RARB: variants seen among roughly 807,000 people sequenced by gnomAD.
The protein encoded by RARB is retinoic acid receptor beta, also known as HBV-activated protein.
A neutral mutation model predicts 51.9 loss-of-function variants in RARB; 17 were observed. That is an observed-to-expected ratio of 0.33 (90% CI 0.22 to 0.49). RARB has a LOEUF of 0.49. Among genes scored for constraint, RARB ranks in the 20% least tolerant of loss-of-function variants. The pLI is 0.99. For missense variants in RARB, 369 were observed against 550.8 expected, an observed-to-expected ratio of 0.67 and a Z score of 3.30; for synonymous variants, 215 against 195.4, an observed-to-expected ratio of 1.10 and a Z score of -0.84.
At chr3:25,108,088 T>C (rs1699539985) in intron 3 of RARB, among the ~76,000 whole-genome samples, 1 of 152,172 alleles carries the variant, frequency 6.6e-6, no homozygotes, top group African/African-American at 2.4e-5. Context: ...GTGGGTAGCA[T>C]CTACAGCATG....
chr3:25,146,511 GT>G lies in RARB; in HGVS notation c.-280+14316del, dbSNP rs1197635626. 7.1e-4 allele frequency among the ~76,000 whole-genome samples: 96 copies of G among 134,544 alleles called. 1 individual carries two copies. The highest frequency in any genetic ancestry group is 2.0e-3 in the African/African-American group (75 of 36,854). 88.3% of individuals were successfully genotyped at this position (134,544 alleles called of 152,430 possible). On this transcript the variant is annotated intron_variant, in intron 4 of 11. Coordinates refer to the RARB transcript ENST00000383772. ...TGCTAAGTTTTTTGTTTGTTTGTTT[GT>G]TTTTTTTTTTTTGAGACAAGAGTCT... is the stretch of plus-strand genomic sequence containing the variant.
At chr3:24,926,691 A>G (rs555774230) in intron 2 of RARB, among the ~76,000 whole-genome samples, 93 of 152,198 alleles carry the variant, frequency 6.1e-4, no homozygotes, top group Non-Finnish European at 1.1e-3. Flanking sequence ...TTTTTGGTAC[A>G]TCATGATGGA....
At chr3:25,501,777 TC>T (rs765067095) in intron 3 of RARB, among the ~76,000 whole-genome samples, 1 of 152,186 alleles carries the variant, frequency 6.6e-6, no homozygotes, top group Non-Finnish European at 1.5e-5. Context: ...AAGAAACATT[TC>T]AAAATCTGGG....
At position 25,503,925 on chromosome 3, in the gene RARB, G is replaced by A. The variant is rs527524347; in HGVS notation, c.448+2602G>A. Among the ~76,000 whole-genome samples, 34 of 152,252 alleles carry A rather than the reference G, an allele frequency of 2.2e-4. 1 individual carries two copies. In the South Asian group the frequency reaches 6.8e-3, roughly 31 times the overall value. On this transcript the variant is annotated intron_variant, in intron 3 of 7. Coordinates refer to ENST00000330688, the MANE Select transcript of RARB (RefSeq NM_000965.5). ...ACACTAGGACTCAGAAAGATGACACGGTTCTCCCAGCAGTCCCAACTGGCT... is the reference window on the plus strand; with the variant it reads ...ACACTAGGACTCAGAAAGATGACACAGTTCTCCCAGCAGTCCCAACTGGCT...
At chr3:25,298,225 C>G (rs1214742871) in intron 5 of RARB, among the ~76,000 whole-genome samples, 2 of 150,936 alleles carry the variant, frequency 1.3e-5, no homozygotes, top group Non-Finnish European at 2.9e-5. Flanking sequence ...CTCTGTCACC[C>G]AGGCTGAAGT....
chr3:25,321,665 C>G (rs541499646), intron 5 of RARB, among the ~76,000 whole-genome samples: 3 of 151,376 alleles, frequency 2.0e-5, no homozygotes, highest in Non-Finnish European at 4.4e-5. Flanking sequence ...TGCAGTGAGC[C>G]GAGATCATGC....
At chr3:25,215,562 C>T (rs1482804575) in intron 5 of RARB, among the ~76,000 whole-genome samples, 2 of 152,110 alleles carry the variant, frequency 1.3e-5, no homozygotes, top group Non-Finnish European at 2.9e-5. Context: ...TGAAGTGCAG[C>T]AGGAGGAAGT....
At chr3:25,056,302 G>A (rs1698441512) in intron 2 of RARB, among the ~76,000 whole-genome samples, 2 of 152,098 alleles carry the variant, frequency 1.3e-5, no homozygotes, top group African/African-American at 4.8e-5. Flanking sequence ...CATCAGGGGA[G>A]GGAAAAGCTT....
chr3:25,252,883 C>T (rs930673366), intron 5 of RARB, among the ~76,000 whole-genome samples: 11 of 152,128 alleles, frequency 7.2e-5, no homozygotes, highest in Non-Finnish European at 1.2e-4. Flanking sequence ...TATCTGGCAC[C>T]GTGGCTTTTA....
intron 2 of RARB, among the ~76,000 whole-genome samples, chr3:25,034,776 T>G (rs560147327): frequency 7.2e-5 from 11 of 152,244 alleles, no homozygotes; most frequent in Middle Eastern, 3.4e-3. Flanking sequence ...TTTTAATCAA[T>G]TATCAACCCT....
At chr3:25,179,865 A>G (rs1700827947) in intron 5 of RARB, among the ~76,000 whole-genome samples, 1 of 152,174 alleles carries the variant, frequency 6.6e-6, no homozygotes, top group Non-Finnish European at 1.5e-5. Context: ...TGAGTATAAC[A>G]TGTATTAAGT....
intron 2 of RARB, among the ~76,000 whole-genome samples, chr3:24,982,040 T>C (rs1246924258): frequency 6.6e-6 from 1 of 152,202 alleles, no homozygotes; most frequent in African/African-American, 2.4e-5. Context: ...TCTGTGCTCC[T>C]CTTTGGGTCC....
At chr3:25,139,622 A>T (rs13098413) in intron 4 of RARB, among the ~76,000 whole-genome samples, 80,018 of 152,006 alleles carry the variant, frequency 0.53, 21,528 homozygotes, top group East Asian at 0.7. Context: ...AAGGTGAAGC[A>T]GCAAGTGCTG....
intron 3 of RARB, among the ~76,000 whole-genome samples, chr3:25,092,012 T>G (rs985817922): frequency 6.6e-6 from 1 of 152,168 alleles, no homozygotes; most frequent in African/African-American, 2.4e-5. Context: ...AATGTTCTTT[T>G]ATGGACTTGT....
chr3:25,258,958 T>A (rs369675718), intron 5 of RARB: 1 of 870,180 alleles, frequency 1.1e-6, no homozygotes. Flanking sequence ...ACCACCACAC[T>A]GGGGACCAAA....
chr3:24,924,605 C>CA (rs1446424036), intron 2 of RARB, among the ~76,000 whole-genome samples: 2 of 151,974 alleles, frequency 1.3e-5, no homozygotes, highest in Admixed American at 1.3e-4. Context: ...TATTTTTACT[C>CA]AGTCAGTATA....
chr3:25,343,924 G>C (rs7623030), intron 5 of RARB, among the ~76,000 whole-genome samples: 18,403 of 152,126 alleles, frequency 0.12, 1,227 homozygotes, highest in South Asian at 0.2. Context: ...AAGGGAAATT[G>C]AAGCAGACAA....
At chr3:24,928,118 A>T (rs1695358588) in intron 2 of RARB, among the ~76,000 whole-genome samples, 1 of 152,046 alleles carries the variant, frequency 6.6e-6, no homozygotes, top group Non-Finnish European at 1.5e-5. Context: ...CAAAATTCAC[A>T]TGGTAGAATT....
At chr3:25,292,966 G>A (rs995443045) in intron 5 of RARB, among the ~76,000 whole-genome samples, 29 of 152,106 alleles carry the variant, frequency 1.9e-4, no homozygotes, top group Admixed American at 1.8e-3. Context: ...TGTTCTCCGC[G>A]AGAGCCAAAA....
Sources: gnomAD v4.1 joint callset for allele counts (sites outside exome capture counted in the v4.1 genomes callset) on GRCh38, gnomAD v4.1.1 for gene constraint, MANE v1.5 for transcripts, NCBI Gene and HGNC (gene_info 2026-07-23, HGNC 2026-07-21) for gene names.